The following JADE3 variants were observed in gnomAD, a reference collection of about 807,000 sequenced individuals.
The protein encoded by JADE3 is jade family PHD finger 3, also known as protein Jade-3.
A neutral mutation model predicts 50.1 loss-of-function variants in JADE3; 2 were observed. The observed-to-expected ratio is 0.04, with a 90% CI of 0.02 to 0.13. The LOEUF is 0.13. JADE3 is among the 10% of genes least tolerant of loss of function. The pLI, the probability that JADE3 is intolerant of heterozygous loss-of-function variation, is 1.00. For synonymous variants in JADE3, 218 were observed against 232.9 expected, an observed-to-expected ratio of 0.94 and a Z score of 0.58; for missense variants, 475 against 634.4, an observed-to-expected ratio of 0.75 and a Z score of 2.70.
intron 1 of JADE3, among the ~76,000 whole-genome samples, chrX:46,941,904 ATT>A (rs782732065): frequency 2.4e-4 from 22 of 92,279 alleles, no homozygotes; most frequent in African/African-American, 4.8e-4. Flanking sequence ...TGCCTGGCTA[ATT>A]TTTTTTTTTT....
intron 1 of JADE3, among the ~76,000 whole-genome samples, chrX:46,971,699 G>A (rs1323450425): frequency 9.2e-6 from 1 of 108,133 alleles, no homozygotes; most frequent in African/African-American, 3.4e-5. Context: ...GGGAGGCTGA[G>A]GCAGGAGAAT....
chrX:47,014,085 G>A (rs1356396689), intron 4 of JADE3, among the ~76,000 whole-genome samples: 1 of 112,198 alleles, frequency 8.9e-6, no homozygotes. Flanking sequence ...ATTCTTCAAA[G>A]AAATGCTTCA....
intron 8 of JADE3, among the ~76,000 whole-genome samples, chrX:47,050,503 C>T (rs1031161929): frequency 2.7e-5 from 3 of 111,699 alleles, no homozygotes; most frequent in Non-Finnish European, 5.6e-5. Context: ...TAACTTCGTA[C>T]CCATTGACCA....
At chrX:46,946,419 G>A (rs1253926734) in intron 1 of JADE3, among the ~76,000 whole-genome samples, 5 of 111,741 alleles carry the variant, frequency 4.5e-5, no homozygotes, top group African/African-American at 1.6e-4. Context: ...GTGGAAAGAT[G>A]TGTCTTTGGG....
intron 8 of JADE3, among the ~76,000 whole-genome samples, chrX:47,052,478 A>C (rs1157248693): frequency 3.7e-5 from 4 of 106,801 alleles, no homozygotes; most frequent in Non-Finnish European, 7.7e-5. Flanking sequence ...CCAAAAATAC[A>C]AAAAAATTAG....
At chrX:47,007,407 A>T (rs1379495413) in intron 4 of JADE3, among the ~76,000 whole-genome samples, 3 of 111,720 alleles carry the variant, frequency 2.7e-5, no homozygotes, top group Non-Finnish European at 5.6e-5. Flanking sequence ...GGATTTGTCC[A>T]TTTCCACTTT....
chrX:46,930,381 C>T (rs1465939768), intron 1 of JADE3, among the ~76,000 whole-genome samples: 2 of 112,069 alleles, frequency 1.8e-5, no homozygotes, highest in Admixed American at 1.9e-4. Flanking sequence ...CAGAAAAGAC[C>T]AGCAGAACAA....
At chrX:46,922,217 A>T (rs1309751732) in intron 1 of JADE3, among the ~76,000 whole-genome samples, 5 of 110,657 alleles carry the variant, frequency 4.5e-5, no homozygotes, top group Non-Finnish European at 9.5e-5. Flanking sequence ...TTTAATTCTT[A>T]TCCTTGTTCC....
intron 1 of JADE3, among the ~76,000 whole-genome samples, chrX:46,919,501 A>T (rs1265650274): frequency 2.7e-5 from 3 of 112,307 alleles, no homozygotes; most frequent in African/African-American, 9.7e-5. Context: ...GTTAAGATTT[A>T]AAAATCTTCC....
intron 3 of JADE3, among the ~76,000 whole-genome samples, chrX:46,992,379 C>G (rs1602398908): frequency 2.0e-5 from 2 of 101,556 alleles, no homozygotes; most frequent in Admixed American, 1.1e-4. Flanking sequence ...ACCCCCCCCC[C>G]CATAACTACA....
At chrX:46,959,310 A>G (rs782736180) in intron 1 of JADE3, among the ~76,000 whole-genome samples, 4 of 112,240 alleles carry the variant, frequency 3.6e-5, no homozygotes, top group Admixed American at 9.4e-5. Context: ...CTGTCAAAAC[A>G]CTTGGCTGAC....
chrX:47,043,591 G>A (rs112665501), intron 8 of JADE3, among the ~76,000 whole-genome samples: 1,897 of 111,454 alleles, frequency 0.017, 52 homozygotes, highest in African/African-American at 0.057. Context: ...AGGCCAAGGC[G>A]GGTGGATCGC....
chrX:46,917,822 A>ACTCTCATCCTCTCTCTCTCT (rs1926124075), intron 1 of JADE3, among the ~76,000 whole-genome samples: 1 of 22,271 alleles, frequency 4.5e-5, no homozygotes, highest in African/African-American at 1.7e-4. Context: ...TCTCTCTCTC[A>ACTCTCATCCTCTCTCTCTCT]CTCTCTCTCA....
chrX:46,989,099 A>G (rs1358426208), intron 3 of JADE3, among the ~76,000 whole-genome samples: 3 of 111,169 alleles, frequency 2.7e-5, no homozygotes, highest in Non-Finnish European at 5.7e-5. Context: ...TGGCCTCCCA[A>G]AGTGCTGGGA....
intron 4 of JADE3, among the ~76,000 whole-genome samples, chrX:47,017,920 G>C (rs782720425): frequency 1.8e-5 from 2 of 111,929 alleles, no homozygotes; most frequent in African/African-American, 6.5e-5. Flanking sequence ...TCCCAAACCA[G>C]TTCTATTTGT....
At chrX:46,947,406 A>G (rs1926907493) in intron 1 of JADE3, among the ~76,000 whole-genome samples, 1 of 111,760 alleles carries the variant, frequency 8.9e-6, no homozygotes. Context: ...CCTCTGGACC[A>G]TGCTTACATA....
intron 8 of JADE3, among the ~76,000 whole-genome samples, chrX:47,041,019 C>A (rs781965889): frequency 9.0e-6 from 1 of 111,257 alleles, no homozygotes; most frequent in East Asian, 2.8e-4. Flanking sequence ...CTTTAAAAAT[C>A]ATAAAGGAAA....
intron 8 of JADE3, among the ~76,000 whole-genome samples, chrX:47,040,961 C>CT (rs1250995984): frequency 6.3e-5 from 7 of 111,596 alleles, no homozygotes; most frequent in African/African-American, 1.6e-4. Context: ...GCTACTTCTT[C>CT]TTTTTTTTAA....
At chrX:46,960,050 A>G (rs1927220420) in intron 1 of JADE3, among the ~76,000 whole-genome samples, 1 of 111,199 alleles carries the variant, frequency 9.0e-6, no homozygotes, top group Non-Finnish European at 1.9e-5. Context: ...AACTGGGCTC[A>G]GGCATTGCCT....
Sources: gnomAD v4.1 joint callset for allele counts (sites outside exome capture counted in the v4.1 genomes callset) on GRCh38, gnomAD v4.1.1 for gene constraint, MANE v1.5 for transcripts, NCBI Gene and HGNC (gene_info 2026-07-23, HGNC 2026-07-21) for gene names.